The following GFRAL variants were observed in gnomAD, a reference collection of about 807,000 sequenced individuals.
GFRAL encodes the protein GDNF family receptor alpha-like.
A neutral mutation model predicts 45.4 loss-of-function variants in GFRAL; 36 were observed. The ratio of observed to expected loss-of-function variants is 0.79; its 90% CI spans 0.61 to 1.05. The LOEUF is 1.05. Among genes scored for constraint, GFRAL ranks in the 50% least tolerant of loss-of-function variants. The pLI is 0.00. For synonymous variants in GFRAL, 166 were observed against 154.1 expected (o/e 1.08, Z -0.57); for missense variants, 507 against 467.5 (o/e 1.08, Z -0.78).
intron 6 of GFRAL, among the ~76,000 whole-genome samples, chr6:55,372,953 T>C (rs143759860): frequency 1.3e-5 from 2 of 152,210 alleles, no homozygotes; most frequent in Non-Finnish European, 2.9e-5. Flanking sequence ...TGTTAAAAGA[T>C]GTGCAAGCTA....
At position 55,369,882 on chromosome 6, in the gene GFRAL, T is replaced by C. The variant is rs571075575; in HGVS notation, c.952+10744T>C. Among the ~76,000 whole-genome samples the C allele has an allele frequency of 2.6e-5, 4 of 152,200 alleles. No individual in the cohort carries two copies. In the South Asian group the frequency reaches 8.3e-4, roughly 31 times the overall value. ...CTTTAGTCTCAGTAAATGACACTTT[T>C]GTTGCCTGTGTCAGCTGTTTGTGTG... On this transcript the variant is annotated intron_variant, in intron 6 of 8. Transcript: ENST00000340465.
intron 3 of GFRAL, among the ~76,000 whole-genome samples, chr6:55,336,983 T>G (rs146056644): frequency 0.013 from 1,989 of 152,256 alleles, 23 homozygotes; most frequent in Non-Finnish European, 0.022. Context: ...TATTAATTAC[T>G]TCAAACATTT....
At chr6:55,388,931 C>T (rs1397098635) in intron 6 of GFRAL, among the ~76,000 whole-genome samples, 2 of 152,180 alleles carry the variant, frequency 1.3e-5, no homozygotes, top group Non-Finnish European at 2.9e-5. Flanking sequence ...CAGCTCCCCT[C>T]ACTAATTAAG....
intron 6 of GFRAL, among the ~76,000 whole-genome samples, chr6:55,363,616 T>C (rs1768310685): frequency 8.3e-6 from 1 of 120,652 alleles, no homozygotes; most frequent in African/African-American, 3.2e-5. Context: ...GTCCCCAGAG[T>C]GTGATATTCC....
chr6:55,344,065 A>G (rs1031236044), intron 3 of GFRAL, among the ~76,000 whole-genome samples: 2 of 152,116 alleles, frequency 1.3e-5, no homozygotes, highest in African/African-American at 4.8e-5. Flanking sequence ...ACCAAAAAAA[A>G]AGTCCAGGAC....
At chr6:55,367,585 G>T (rs1343452275) in intron 6 of GFRAL, among the ~76,000 whole-genome samples, 1 of 151,520 alleles carries the variant, frequency 6.6e-6, no homozygotes, top group African/African-American at 2.4e-5. Context: ...GGTACCGGTT[G>T]TTCCTTTCCA....
rs530513328 is a variant in GFRAL at position 55,368,514 on chromosome 6, C to T, written c.952+9376C>T. On this transcript the variant is annotated intron_variant, in intron 6 of 8. Coordinates refer to ENST00000340465, the MANE Select transcript of GFRAL (RefSeq NM_207410.2). ...CTGCGTTCCTTTGGAGGAGGAGAGG[C>T]ACTCTGCTTTTTAGAGTTTCCAGTT... Among the ~76,000 whole-genome samples, 163 of 152,042 alleles carry T rather than the reference C, an allele frequency of 1.1e-3. 3 individuals carry two copies. The South Asian group carries it at 0.015, about 14-fold the overall frequency.
At chr6:55,348,715 A>G (rs1473132125) in intron 3 of GFRAL, among the ~76,000 whole-genome samples, 1 of 151,914 alleles carries the variant, frequency 6.6e-6, no homozygotes, top group Non-Finnish European at 1.5e-5. Context: ...CACTCTTATG[A>G]CCTCTTTTAA....
chr6:55,397,094 T>C (rs1445248630), intron 6 of GFRAL, among the ~76,000 whole-genome samples: 2 of 152,074 alleles, frequency 1.3e-5, no homozygotes, highest in African/African-American at 4.8e-5. Context: ...CCAGGCTGGC[T>C]TCAAACTCCT....
chr6:55,375,039 T>C (rs892000962), intron 6 of GFRAL, among the ~76,000 whole-genome samples: 5 of 152,126 alleles, frequency 3.3e-5, no homozygotes, highest in African/African-American at 9.7e-5. Context: ...CACAGTATAG[T>C]TTGAAGTTGG....
chr6:55,380,530 G>C (rs773562983), intron 6 of GFRAL, among the ~76,000 whole-genome samples: 28 of 151,890 alleles, frequency 1.8e-4, no homozygotes, highest in Non-Finnish European at 3.5e-4. Flanking sequence ...TATCCAGGTG[G>C]TTTTGATTTT....
chr6:55,339,085 A>G (rs1767927464), intron 3 of GFRAL, among the ~76,000 whole-genome samples: 1 of 152,200 alleles, frequency 6.6e-6, no homozygotes. Context: ...TGAGAATTAT[A>G]ATAAAATATA....
Position 55,350,093 on chromosome 6 carries a change from T to C in GFRAL, c.318T>C (p.Asp106=). ...ATAATTTCTTTGTTTTCCTTCTAGA[T>C]AACGTGAAAGAGGATAAATTCAAAT... ...LLGKKCINKS[D]NVKEDKFKWN... is the part of the protein sequence containing the mutation. The change falls in exon 4 of 9, where the codon GAT becomes GAC. Residue 106 remains aspartate (D), a splice_region_variant and synonymous_variant. Transcript: ENST00000340465. 1 of 1,508,300 alleles carries C rather than the reference T, an allele frequency of 6.6e-7. No homozygotes were observed. Among genetic ancestry groups the C allele is most frequent in the Non-Finnish European group, 9.2e-7 (1 of 1,086,010 alleles). 93.4% of individuals were successfully genotyped at this position (1,508,300 alleles called of 1,614,324 possible).
At chr6:55,396,621 T>C (rs1184140884) in intron 6 of GFRAL, among the ~76,000 whole-genome samples, 7 of 152,108 alleles carry the variant, frequency 4.6e-5, no homozygotes, top group African/African-American at 1.7e-4. Context: ...TCTGAATTGA[T>C]TTAAATACAC....
intron 6 of GFRAL, among the ~76,000 whole-genome samples, chr6:55,374,822 A>G (rs538865985): frequency 2.6e-5 from 4 of 152,238 alleles, no homozygotes; most frequent in South Asian, 4.1e-4. Context: ...GAAGGGATCC[A>G]GTTTCAATTT....
At chr6:55,367,810 C>T (rs534333521) in intron 6 of GFRAL, among the ~76,000 whole-genome samples, 159 of 152,230 alleles carry the variant, frequency 1.0e-3, no homozygotes, top group African/African-American at 3.5e-3. Flanking sequence ...CCAAGAGATC[C>T]GCTCTTAGTC....
At chr6:55,386,961 G>C (rs1768688319) in intron 6 of GFRAL, among the ~76,000 whole-genome samples, 1 of 152,120 alleles carries the variant, frequency 6.6e-6, no homozygotes. Flanking sequence ...AACAACAGGA[G>C]AACGGCTGTC....
At chr6:55,384,350 T>TC (rs1768652649) in intron 6 of GFRAL, among the ~76,000 whole-genome samples, 1 of 152,086 alleles carries the variant, frequency 6.6e-6, no homozygotes, top group African/African-American at 2.4e-5. Context: ...CATTATTTTT[T>TC]CTATTAATTA....
Position 55,401,927 on chromosome 6 carries a change from CTCCTCTCCTCTCT to C in GFRAL, c.*77_*89del. 1 of 793,952 alleles carries C rather than the reference CTCCTCTCCTCTCT, an allele frequency of 1.3e-6. No individual in the cohort carries two copies. Among genetic ancestry groups the C allele is most frequent in the Non-Finnish European group, 2.2e-6 (1 of 461,166 alleles). 49.2% of individuals were successfully genotyped at this position (793,952 alleles called of 1,614,324 possible). ...CTTCTTTCCTCTTTTCTTCTCTCCT[CTCCTCTCCTCTCT>C]TCTCCTCTCCTCCCCTCCCCTCTCT... On this transcript the variant is annotated 3_prime_UTR_variant, in exon 9 of 9. Transcript: ENST00000340465.
Sources: allele counts gnomAD v4.1 joint callset (sites outside exome capture counted in the v4.1 genomes callset), GRCh38; gene constraint gnomAD v4.1.1; transcripts MANE v1.5; gene names NCBI Gene and HGNC (gene_info 2026-07-23, HGNC 2026-07-21).